Variants in SPRY3 observed in about 807,000 individuals in gnomAD.
The protein encoded by SPRY3 is protein sprouty homolog 3.
Under a neutral mutation model 20.2 loss-of-function variants are expected in SPRY3, and 15 were observed. The observed-to-expected ratio is 0.74, with a 90% confidence interval of 0.50 to 1.14. The LOEUF is 1.14. SPRY3 is among the 50% of genes most tolerant of loss of function. SPRY3 has a pLI of 0.00. For missense variants in SPRY3, 364 were observed against 363.9 expected (o/e 1.00, Z 0.00); for synonymous variants, 143 against 136.5 (o/e 1.05, Z -0.33).
At chrX:155,668,742 C>A (rs549327) in intron 2 of SPRY3, among the ~76,000 whole-genome samples, 59,446 of 108,820 alleles carry the variant, frequency 0.55, 14,179 homozygotes, top group Middle Eastern at 0.77. Context: ...CTTTCCTGTT[C>A]TATTGCTGAT....
chrX:155,687,576 G>A (rs2068091037), intron 2 of SPRY3, among the ~76,000 whole-genome samples: 1 of 112,339 alleles, frequency 8.9e-6, no homozygotes, highest in South Asian at 3.7e-4. Context: ...CCATTTCTCA[G>A]TTATGCTTTC....
intron 2 of SPRY3, among the ~76,000 whole-genome samples, chrX:155,667,930 A>G (rs2068029375): frequency 9.0e-6 from 1 of 111,465 alleles, no homozygotes; most frequent in Non-Finnish European, 1.9e-5. Flanking sequence ...TACATCCACA[A>G]TAATGACTGA....
Position 155,632,341 on chromosome X carries a change from A to G in SPRY3, c.-441+19694A>G, listed in dbSNP as rs145056694. Among the ~76,000 whole-genome samples the G allele has an allele frequency of 5.2e-4, 58 of 111,215 alleles. 1 individual carries two copies. The East Asian group carries it at 0.014, about 26-fold the overall frequency. ...TTAGTGAGAAGAGCACCACTGTATT[A>G]GTCGCCTAGTGCTACATTAACAAAC... is the stretch of plus-strand genomic sequence containing the variant. On this transcript the variant is annotated intron_variant, in intron 1 of 3. Coordinates refer to ENST00000675360, the Ensembl canonical transcript of SPRY3.
At chrX:155,741,873 G>A (rs2091205858) in intron 2 of SPRY3, among the ~76,000 whole-genome samples, 2 of 152,042 alleles carry the variant, frequency 1.3e-5, no homozygotes, top group South Asian at 4.2e-4. Context: ...AAAAATCTTT[G>A]CCAGCCACTA....
At chrX:155,642,523 G>C in intron 1 of SPRY3, among the ~76,000 whole-genome samples, 1 of 109,967 alleles carries the variant, frequency 9.1e-6, no homozygotes, top group Middle Eastern at 4.7e-3. Flanking sequence ...TACTAATTTG[G>C]GGTATGGTTT....
At chrX:155,714,505 T>C (rs1384329324) in intron 2 of SPRY3, among the ~76,000 whole-genome samples, 2 of 152,140 alleles carry the variant, frequency 1.3e-5, no homozygotes, top group African/African-American at 4.8e-5. Context: ...CCTTACTTTC[T>C]CCCAAACATA....
chrX:155,672,479 G>C (rs1308681042), intron 2 of SPRY3, among the ~76,000 whole-genome samples: 4 of 111,595 alleles, frequency 3.6e-5, no homozygotes, highest in African/African-American at 1.3e-4. Flanking sequence ...CATCATCCCT[G>C]GCCATCAGAG....
intron 2 of SPRY3, among the ~76,000 whole-genome samples, chrX:155,755,257 G>A (rs1004730693): frequency 2.7e-5 from 4 of 149,410 alleles, no homozygotes; most frequent in Admixed American, 6.6e-5. Context: ...AAATTGCTTC[G>A]CATTTTACTT....
intron 2 of SPRY3, among the ~76,000 whole-genome samples, chrX:155,705,786 T>A (rs1241211104): frequency 6.6e-6 from 1 of 151,302 alleles, no homozygotes; most frequent in African/African-American, 2.4e-5. Context: ...TACATGATGA[T>A]GAAGGGATCA....
intron 2 of SPRY3, among the ~76,000 whole-genome samples, chrX:155,714,595 G>A (rs1326538951): frequency 6.6e-6 from 1 of 152,088 alleles, no homozygotes; most frequent in African/African-American, 2.4e-5. Context: ...CACCACTAGA[G>A]GAACTGTGCT....
chrX:155,630,972 CG>C (rs1569562402), intron 1 of SPRY3, among the ~76,000 whole-genome samples: 2 of 108,755 alleles, frequency 1.8e-5, no homozygotes, highest in Admixed American at 1.0e-4. Flanking sequence ...ATTTTAGATA[CG>C]GGGGTACATG....
At chrX:155,670,804 C>T (rs1490096184) in intron 2 of SPRY3, among the ~76,000 whole-genome samples, 3 of 111,586 alleles carry the variant, frequency 2.7e-5, no homozygotes, top group Non-Finnish European at 5.7e-5. Context: ...GGGACTTGTC[C>T]AAGTTCACAT....
chrX:155,744,644 A>T (rs1439215151), intron 2 of SPRY3, among the ~76,000 whole-genome samples: 11 of 152,054 alleles, frequency 7.2e-5, no homozygotes, highest in Non-Finnish European at 1.5e-4. Flanking sequence ...AAAATACAAC[A>T]TGAGTGCAGA....
At chrX:155,779,322 C>T (rs1397336226), downstream of SPRY3, 18 of 166,962 alleles carry the variant, frequency 1.1e-4, no homozygotes. Flanking sequence ...TAGGGTGGTG[C>T]TTTTACCTTA....
At chrX:155,664,068 G>A (rs1468036248) in intron 2 of SPRY3, among the ~76,000 whole-genome samples, 1 of 110,451 alleles carries the variant, frequency 9.1e-6, no homozygotes, top group Non-Finnish European at 1.9e-5. Context: ...GGAAGATGGA[G>A]TATCCATCCC....
intron 2 of SPRY3, among the ~76,000 whole-genome samples, chrX:155,760,122 C>T (rs2091298382): frequency 1.3e-5 from 2 of 152,220 alleles, no homozygotes; most frequent in African/African-American, 4.8e-5. Flanking sequence ...TTTTGATGCA[C>T]ACTGGAATAG....
intron 1 of SPRY3, among the ~76,000 whole-genome samples, chrX:155,620,956 C>T (rs2067869120): frequency 8.9e-6 from 1 of 112,043 alleles, no homozygotes; most frequent in Non-Finnish European, 1.9e-5. Context: ...CACTGCACAA[C>T]TGGTGTGACG....
intron 2 of SPRY3, among the ~76,000 whole-genome samples, chrX:155,706,806 C>T (rs2090954868): frequency 6.6e-6 from 1 of 150,942 alleles, no homozygotes; most frequent in African/African-American, 2.4e-5. Context: ...ATAACCATAG[C>T]AATGGTACAT....
chrX:155,706,391 T>G (rs1001892088), intron 2 of SPRY3, among the ~76,000 whole-genome samples: 1 of 151,142 alleles, frequency 6.6e-6, no homozygotes, highest in African/African-American at 2.4e-5. Flanking sequence ...ATTTATATTT[T>G]TAAATTCTTA....
Sources: gnomAD v4.1 joint callset for allele counts (sites outside exome capture counted in the v4.1 genomes callset) on GRCh38, gnomAD v4.1.1 for gene constraint, MANE v1.5 for transcripts, NCBI Gene and HGNC (gene_info 2026-07-23, HGNC 2026-07-21) for gene names.